The following MID1 variants were observed in gnomAD, a reference collection of about 807,000 sequenced individuals.
MID1 encodes the protein midline 1.
Under a neutral mutation model 40.4 loss-of-function variants are expected in MID1, and 7 were observed. That is an observed-to-expected ratio of 0.17 (90% confidence interval 0.10 to 0.33). The LOEUF is 0.33. Among genes scored for constraint, MID1 ranks in the 10% least tolerant of loss-of-function variants. The probability of loss-of-function intolerance (pLI) is 1.00; values close to 1 mark genes in which losing one functional copy is unlikely to be tolerated. For synonymous variants in MID1, 229 were observed against 221.2 expected, an observed-to-expected ratio of 1.04 and a Z score of -0.31; for missense variants, 367 against 558.5, an observed-to-expected ratio of 0.66 and a Z score of 3.46.
At chrX:10,648,004 T>G (rs1936279259) in intron 1 of MID1, among the ~76,000 whole-genome samples, 1 of 112,105 alleles carries the variant, frequency 8.9e-6, no homozygotes, top group Admixed American at 9.5e-5. Context: ...ACTGTTCCAG[T>G]TCTGACTTTT....
At chrX:10,594,160 A>G (rs1158729797) in intron 1 of MID1, among the ~76,000 whole-genome samples, 1 of 111,958 alleles carries the variant, frequency 8.9e-6, no homozygotes, top group Non-Finnish European at 1.9e-5. Flanking sequence ...ATATTTATGT[A>G]TTAATATTAT....
At chrX:10,477,944 A>C (rs908260666) in intron 5 of MID1, among the ~76,000 whole-genome samples, 2 of 112,444 alleles carry the variant, frequency 1.8e-5, no homozygotes, top group African/African-American at 3.2e-5. Context: ...AATTCTTTGA[A>C]CCAAGCAACA....
chrX:10,805,206 G>A (rs1602587991), intron 1 of MID1, among the ~76,000 whole-genome samples: 2 of 107,165 alleles, frequency 1.9e-5, no homozygotes, highest in East Asian at 5.9e-4. Flanking sequence ...ATCTCCTAAT[G>A]CTATCGCTCC....
At chrX:10,677,924 A>G (rs752918189) in intron 1 of MID1, among the ~76,000 whole-genome samples, 1 of 110,699 alleles carries the variant, frequency 9.0e-6, no homozygotes. Context: ...AGCAAATGCT[A>G]TAACTTAGCT....
intron 1 of MID1, among the ~76,000 whole-genome samples, chrX:10,786,044 G>A (rs1345077014): frequency 9.0e-6 from 1 of 111,328 alleles, no homozygotes; most frequent in Non-Finnish European, 1.9e-5. Flanking sequence ...TACAGAATGG[G>A]AGAAAATTTT....
At chrX:10,802,643 A>G (rs2044016929) in intron 1 of MID1, among the ~76,000 whole-genome samples, 1 of 111,936 alleles carries the variant, frequency 8.9e-6, no homozygotes, top group African/African-American at 3.2e-5. Context: ...TTAACAGAGA[A>G]CTACCATTTG....
chrX:10,814,576 GGTGTGT>G (rs60218622), intron 1 of MID1, among the ~76,000 whole-genome samples: 277 of 102,001 alleles, frequency 2.7e-3, no homozygotes, highest in Non-Finnish European at 4.4e-3. Flanking sequence ...TGCTTGTACT[GGTGTGT>G]GTGTGTGTGT....
At chrX:10,567,998 TAG>T (rs1445774670) in intron 1 of MID1, among the ~76,000 whole-genome samples, 3 of 112,102 alleles carry the variant, frequency 2.7e-5, no homozygotes, top group East Asian at 5.6e-4. Flanking sequence ...ATCAATAAAC[TAG>T]AGTCTTTTAT....
rs777477705 is a variant in MID1 at position 10,830,903 on chromosome X, T to C, written c.-187+2651A>G. 3.6e-5 allele frequency among the ~76,000 whole-genome samples: 4 copies of C among 112,116 alleles called. No homozygotes were observed. The South Asian group carries it at 1.1e-3, about 32-fold the overall frequency. On this transcript the variant is annotated intron_variant, in intron 1 of 10. Transcript: ENST00000380785. The stretch of plus-strand genomic sequence containing the variant: ...TAGAGGGCCTTAACACTCTCATGAT[T>C]GCATGAGCCCCCAGGCCCAAGTTAA...
At chrX:10,573,577 C>G (rs1482678388) in intron 1 of MID1, among the ~76,000 whole-genome samples, 1 of 112,243 alleles carries the variant, frequency 8.9e-6, no homozygotes. Flanking sequence ...TACATTTCAA[C>G]ATGAGTTTTG....
At chrX:10,529,906 T>G (rs902306948) in intron 2 of MID1, among the ~76,000 whole-genome samples, 2 of 112,301 alleles carry the variant, frequency 1.8e-5, no homozygotes, top group African/African-American at 6.5e-5. Context: ...TGAAATCCAA[T>G]GTAGTAAATC....
chrX:10,565,147 G>A (rs1343343191), intron 2 of MID1: 2 of 329,527 alleles, frequency 6.1e-6, no homozygotes, highest in Non-Finnish European at 1.2e-5. Flanking sequence ...CTCCTGTGCT[G>A]CCATGCACTG....
intron 1 of MID1, among the ~76,000 whole-genome samples, chrX:10,715,986 T>A (rs1318148481): frequency 8.9e-6 from 1 of 112,199 alleles, no homozygotes; most frequent in Non-Finnish European, 1.9e-5. Flanking sequence ...CTGAGGGTCC[T>A]GTCTGTTAGA....
chrX:10,714,447 C>A (rs2043287774), intron 1 of MID1, among the ~76,000 whole-genome samples: 1 of 112,255 alleles, frequency 8.9e-6, no homozygotes, highest in Non-Finnish European at 1.9e-5. Flanking sequence ...ATATAGCTCA[C>A]TGTGGCCTGT....
chrX:10,778,731 G>A (rs2043824349), intron 1 of MID1, among the ~76,000 whole-genome samples: 1 of 112,680 alleles, frequency 8.9e-6, no homozygotes, highest in African/African-American at 3.2e-5. Flanking sequence ...CAAGAACCAA[G>A]GAATACAGGT....
intron 1 of MID1, among the ~76,000 whole-genome samples, chrX:10,773,559 C>A (rs887917745): frequency 8.9e-6 from 1 of 112,601 alleles, no homozygotes; most frequent in African/African-American, 3.2e-5. Flanking sequence ...TGATGTTAAT[C>A]AAACTTTCTC....
At chrX:10,769,064 A>G (rs1371205296) in intron 1 of MID1, among the ~76,000 whole-genome samples, 3 of 111,912 alleles carry the variant, frequency 2.7e-5, no homozygotes, top group Non-Finnish European at 3.8e-5. Context: ...TGAAAATGAT[A>G]CCAAGACTAT....
chrX:10,678,367 G>A (rs1448112140), intron 1 of MID1, among the ~76,000 whole-genome samples: 1 of 111,325 alleles, frequency 9.0e-6, no homozygotes, highest in Non-Finnish European at 1.9e-5. Flanking sequence ...ATAATACCTG[G>A]ATAATCCATT....
intron 2 of MID1, among the ~76,000 whole-genome samples, chrX:10,540,772 T>A (rs1392844905): frequency 2.7e-5 from 3 of 111,903 alleles, no homozygotes; most frequent in Non-Finnish European, 5.6e-5. Context: ...AAGGAAAGCA[T>A]CCTTAGGACA....
Sources: gnomAD v4.1 joint callset for allele counts (sites outside exome capture counted in the v4.1 genomes callset) on GRCh38, gnomAD v4.1.1 for gene constraint, MANE v1.5 for transcripts, NCBI Gene and HGNC (gene_info 2026-07-23, HGNC 2026-07-21) for gene names.